The following SMYD3 variants were observed in gnomAD, a reference collection of about 807,000 sequenced individuals.
The protein encoded by SMYD3 is histone-lysine N-methyltransferase SMYD3.
In SMYD3, 36 loss-of-function variants were observed where a neutral mutation model predicts 57.7. That is an observed-to-expected ratio of 0.62 (90% CI 0.48 to 0.82). The LOEUF is 0.82. SMYD3 is among the 40% of genes least tolerant of loss of function. The pLI, the probability that SMYD3 is intolerant of heterozygous loss-of-function variation, is 0.00. For synonymous variants in SMYD3, 211 were observed against 195.0 expected, an observed-to-expected ratio of 1.08 and a Z score of -0.68; for missense variants, 515 against 538.8, an observed-to-expected ratio of 0.96 and a Z score of 0.44.
At chr1:245,885,546 A>G (rs2053043504) in intron 8 of SMYD3, among the ~76,000 whole-genome samples, 2 of 152,138 alleles carry the variant, frequency 1.3e-5, no homozygotes, top group Non-Finnish European at 2.9e-5. Context: ...TATCTGCCCA[A>G]CTAATTTCTT....
At chr1:245,921,961 C>T (rs895299091) in intron 7 of SMYD3, among the ~76,000 whole-genome samples, 3 of 152,118 alleles carry the variant, frequency 2.0e-5, no homozygotes, top group Non-Finnish European at 2.9e-5. Flanking sequence ...CACAGCTGCA[C>T]ATGTGCCCCC....
chr1:246,045,358 C>T (rs547921664), intron 5 of SMYD3, among the ~76,000 whole-genome samples: 1 of 152,012 alleles, frequency 6.6e-6, no homozygotes. Flanking sequence ...CTTTGACAAA[C>T]CTCACAAAAA....
At chr1:246,071,887 C>A (rs199918662) in intron 5 of SMYD3, among the ~76,000 whole-genome samples, 841 of 19,142 alleles carry the variant, frequency 0.044, 2 homozygotes, top group African/African-American at 0.089. Context: ...CTCACTGTCG[C>A]TGCATCGTGT....
chr1:246,225,379 C>CAAGACTA (rs2063316264), intron 5 of SMYD3, among the ~76,000 whole-genome samples: 1 of 126,258 alleles, frequency 7.9e-6, no homozygotes, highest in Non-Finnish European at 1.7e-5. Flanking sequence ...CCAGATTTGG[C>CAAGACTA]AAGACTAAAG....
chr1:245,869,749 C>A (rs912282143), intron 8 of SMYD3, among the ~76,000 whole-genome samples: 4 of 152,226 alleles, frequency 2.6e-5, no homozygotes, highest in African/African-American at 9.7e-5. Flanking sequence ...TCTGACTTCA[C>A]TGCACCCACT....
intron 5 of SMYD3, among the ~76,000 whole-genome samples, chr1:246,257,459 G>A (rs889922704): frequency 5.3e-5 from 8 of 152,182 alleles, no homozygotes; most frequent in African/African-American, 1.9e-4. Flanking sequence ...TCTGATGTAA[G>A]AATAGCAAGC....
intron 10 of SMYD3, among the ~76,000 whole-genome samples, chr1:245,825,078 G>A (rs1408015674): frequency 6.6e-6 from 1 of 152,084 alleles, no homozygotes; most frequent in Non-Finnish European, 1.5e-5. Context: ...CTCGCCAAGA[G>A]CTCAGCAGGA....
intron 10 of SMYD3, among the ~76,000 whole-genome samples, chr1:245,810,630 C>T (rs774682126): frequency 2.6e-5 from 4 of 152,146 alleles, no homozygotes; most frequent in Non-Finnish European, 5.9e-5. Context: ...CGCTATGGAC[C>T]TGAGCAGCAG....
intron 10 of SMYD3, among the ~76,000 whole-genome samples, chr1:245,842,717 C>CT (rs565308236): frequency 6.6e-6 from 1 of 151,902 alleles, no homozygotes; most frequent in Non-Finnish European, 1.5e-5. Flanking sequence ...TTTTATTTTA[C>CT]TTTTTTTTAG....
At chr1:246,426,869 AAAT>A (rs1417079796) in intron 1 of SMYD3, among the ~76,000 whole-genome samples, 1 of 152,182 alleles carries the variant, frequency 6.6e-6, no homozygotes, top group African/African-American at 2.4e-5. Context: ...CAACAGGATA[AAAT>A]AATGTCTGCC....
chr1:246,407,340 T>C (rs535487248), intron 1 of SMYD3, among the ~76,000 whole-genome samples: 4 of 152,018 alleles, frequency 2.6e-5, no homozygotes, highest in African/African-American at 9.7e-5. Context: ...TTAGCAGGAG[T>C]TGTTCATCAT....
At chr1:246,010,140 A>G (rs1350999357) in intron 5 of SMYD3, among the ~76,000 whole-genome samples, 1 of 150,710 alleles carries the variant, frequency 6.6e-6, no homozygotes, top group Non-Finnish European at 1.5e-5. Flanking sequence ...AAACCCCAAT[A>G]TTTTAAAACA....
intron 10 of SMYD3, among the ~76,000 whole-genome samples, chr1:245,856,792 T>C (rs569355641): frequency 1.3e-5 from 2 of 152,238 alleles, no homozygotes; most frequent in East Asian, 3.9e-4. Context: ...AGTGCAGCGC[T>C]AGCCAAGAGT....
chr1:246,016,505 C>T (rs1322110881), intron 5 of SMYD3, among the ~76,000 whole-genome samples: 1 of 152,064 alleles, frequency 6.6e-6, no homozygotes, highest in Non-Finnish European at 1.5e-5. Context: ...ATTGCTTGAA[C>T]CCAGGAGGTG....
At chr1:245,896,528 T>TAA (rs759189347) in intron 8 of SMYD3, among the ~76,000 whole-genome samples, 21 of 152,078 alleles carry the variant, frequency 1.4e-4, no homozygotes, top group Non-Finnish European at 2.5e-4. Flanking sequence ...TGCTGGTGGT[T>TAA]AAACAGGGAA....
intron 1 of SMYD3, among the ~76,000 whole-genome samples, chr1:246,474,877 T>C (rs1288536540): frequency 6.6e-6 from 1 of 152,122 alleles, no homozygotes; most frequent in African/African-American, 2.4e-5. Context: ...GGGGAAGGCT[T>C]TGAGCCTTGT....
At chr1:245,830,160 A>G (rs2049749917) in intron 10 of SMYD3, among the ~76,000 whole-genome samples, 1 of 152,258 alleles carries the variant, frequency 6.6e-6, no homozygotes, top group South Asian at 2.1e-4. Context: ...ATGAAGATAT[A>G]CTGAGAACTA....
At chr1:246,352,136 C>CAAAAAAAAAAAAAAAAAAAA (rs10581690) in intron 2 of SMYD3, among the ~76,000 whole-genome samples, 2 of 60,476 alleles carry the variant, frequency 3.3e-5, no homozygotes, top group Admixed American at 2.5e-4. Flanking sequence ...GACTCTGTCT[C>CAAAAAAAAAAAAAAAAAAAA]AAAAAAAAAA....
chr1:245,856,675 T>G (rs1391370786), intron 10 of SMYD3, among the ~76,000 whole-genome samples: 1 of 152,068 alleles, frequency 6.6e-6, no homozygotes, highest in East Asian at 1.9e-4. Flanking sequence ...CGTGTAGGTG[T>G]GTGGTCTTCT....
Sources: allele counts gnomAD v4.1 joint callset (sites outside exome capture counted in the v4.1 genomes callset), GRCh38; gene constraint gnomAD v4.1.1; transcripts MANE v1.5; gene names NCBI Gene and HGNC (gene_info 2026-07-23, HGNC 2026-07-21).